Variants in UTP4 observed in about 807,000 individuals in gnomAD.
UTP4 encodes U3 small nucleolar RNA-associated protein 4 homolog.
Under a neutral mutation model 82.4 loss-of-function variants are expected in UTP4, and 45 were observed. The observed-to-expected ratio is 0.55, with a 90% CI of 0.43 to 0.70. The LOEUF is 0.70. Among genes scored for constraint, UTP4 ranks in the 30% least tolerant of loss-of-function variants. The pLI is 0.00. For synonymous variants in UTP4, 348 were observed against 300.3 expected (o/e 1.16, Z -1.64); for missense variants, 819 against 858.3 (o/e 0.95, Z 0.57).
intron 10 of UTP4, among the ~76,000 whole-genome samples, chr16:69,154,678 T>C (rs183031498): frequency 6.6e-6 from 1 of 151,936 alleles, no homozygotes; most frequent in Admixed American, 6.6e-5. Flanking sequence ...TTCTCTTCTT[T>C]TGATATTATT....
chr16:69,161,835 T>G (rs550958748), intron 13 of UTP4, among the ~76,000 whole-genome samples: 1 of 152,248 alleles, frequency 6.6e-6, no homozygotes, highest in Non-Finnish European at 1.5e-5. Context: ...AGCTAATCTT[T>G]TTTTTTAGTA....
chr16:69,141,396 C>T (rs543078470), intron 5 of UTP4, among the ~76,000 whole-genome samples: 1 of 152,312 alleles, frequency 6.6e-6, no homozygotes, highest in East Asian at 1.9e-4. Context: ...AATTCTGAAG[C>T]CCTGGCTCCG....
In UTP4 at chr16:69,165,500, A is replaced by C. The variant is rs1487839079; in HGVS notation, c.1807A>C (p.Met603Leu). The change falls in exon 15 of 17, where the codon ATG (methionine) becomes CTG (leucine). Residue 603 changes from methionine (M) to leucine (L), a missense_variant. Transcript: ENST00000314423. The part of the protein sequence containing the change: ...PMHILLHDAY[M>L]FCIIDKSLPL... Reference sequence around the variant, plus strand: ...GCACATCCTTCTCCATGATGCCTACATGTTCTGCATCATTGACAAGTCATT... The same window carrying C: ...GCACATCCTTCTCCATGATGCCTACCTGTTCTGCATCATTGACAAGTCATT... 1.2e-6 allele frequency: 2 copies of C among 1,614,012 alleles called. No homozygotes were observed. The highest frequency in any genetic ancestry group is 2.2e-5 in the South Asian group (2 of 91,080).
intron 6 of UTP4, among the ~76,000 whole-genome samples, chr16:69,147,581 C>T (rs940596023): frequency 1.3e-5 from 2 of 152,232 alleles, no homozygotes; most frequent in Admixed American, 6.5e-5. Flanking sequence ...TGTCTCTGAT[C>T]TGGTTGTGCT....
chr16:69,157,376 T>G, intron 12 of UTP4, 136 bp downstream of exon 12: 2 of 876,166 alleles, frequency 2.3e-6, no homozygotes, highest in South Asian at 2.9e-5. Flanking sequence ...GTTTGCTGTT[T>G]CAAGTAGGAG....
chr16:69,153,535 A>G (rs1246872822), intron 8 of UTP4, 49 bp from the exon 9 acceptor site: 1 of 1,309,714 alleles, frequency 7.6e-7, no homozygotes, highest in Non-Finnish European at 1.1e-6. Context: ...GTACTAAGGC[A>G]GTAGATGACC....
intron 6 of UTP4, among the ~76,000 whole-genome samples, chr16:69,148,089 G>C (rs550920602): frequency 1.3e-5 from 2 of 152,190 alleles, no homozygotes; most frequent in Admixed American, 1.3e-4. Context: ...CCAAGTAGCT[G>C]GGACTACAGG....
chr16:69,157,311 C>G, intron 12 of UTP4, 71 bp downstream of exon 12: 1 of 1,501,498 alleles, frequency 6.7e-7, no homozygotes. Context: ...TTTTAAGCCT[C>G]CATGTCGGGG....
At position 69,132,978 on chromosome 16, in the gene UTP4, A is replaced by G. The variant is rs190582930; in HGVS notation, c.-3+289A>G. 44 of 244,034 alleles carry G rather than the reference A, an allele frequency of 1.8e-4. No homozygotes were observed. In the East Asian group the frequency reaches 3.1e-3, roughly 17 times the overall value. The allele number at this position is 244,034 out of a possible 1,614,324, so 15.1% of individuals were successfully genotyped here. ...GACCTGGTCTCTACTCTCGGCCAGTATATATGTTGGCGGGCGTCGGGGGGA... is the reference window on the plus strand; with the variant it reads ...GACCTGGTCTCTACTCTCGGCCAGTGTATATGTTGGCGGGCGTCGGGGGGA... On this transcript the variant is annotated intron_variant, in intron 1 of 16. Coordinates refer to ENST00000314423, the MANE Select transcript of UTP4 (RefSeq NM_032830.3).
Position 69,144,499 on chromosome 16 carries a change from A to G in UTP4, c.738+1110A>G, listed in dbSNP as rs548755896. On this transcript the variant is annotated intron_variant, in intron 6 of 16. Coordinates refer to ENST00000314423, the MANE Select transcript of UTP4 (RefSeq NM_032830.3). ...CACCACACCCAGCCTATTATTTTCT[A>G]TGACGTAAATATTGTAGAGGAATGG... Among the ~76,000 whole-genome samples, 12 of 152,260 alleles carry G rather than the reference A, an allele frequency of 7.9e-5. 1 individual carries two copies. In the South Asian group the frequency reaches 8.3e-4, roughly 11 times the overall value.
chr16:69,153,509 G>T, intron 8 of UTP4, 75 bp from the exon 9 acceptor site: 1 of 980,478 alleles, frequency 1.0e-6, no homozygotes, highest in Non-Finnish European at 1.6e-6. Flanking sequence ...GTGCTAAGGT[G>T]GTGCTACTGT....
At chr16:69,154,704 TTTTATTTATTTA>T (rs34852514) in intron 10 of UTP4, among the ~76,000 whole-genome samples, 41 of 147,102 alleles carry the variant, frequency 2.8e-4, no homozygotes, top group South Asian at 1.7e-3. Flanking sequence ...AATAATGTGC[TTTTATTTATTTA>T]TTTATTTATT....
At chr16:69,166,988 T>C in intron 15 of UTP4, 87 bp from the exon 16 acceptor site, 1 of 868,238 alleles carries the variant, frequency 1.2e-6, no homozygotes, top group Non-Finnish European at 2.0e-6. Context: ...TAGAAGATGA[T>C]GTTGGGCTCA....
chr16:69,147,440 GGTTGCA>G (rs1381989209), intron 6 of UTP4, among the ~76,000 whole-genome samples: 1 of 151,390 alleles, frequency 6.6e-6, no homozygotes, highest in East Asian at 2.0e-4. Context: ...GGGAGGCGGA[GGTTGCA>G]GTGATCTGAG....
chr16:69,150,575 A>T lies in UTP4; in HGVS notation c.777A>T (p.Thr259=). ...DSFVVGTAEG[T]VFHFQLVPVT... The stretch of plus-strand genomic sequence containing the variant: ...TCGTGGTGGGCACAGCCGAGGGAAC[A>T]GTCTTCCATTTTCAGCTGGTCCCTG... The change falls in exon 7 of 17, where the codon ACA becomes ACT. Residue 259 remains threonine (T), a synonymous_variant. Transcript: ENST00000314423. 1 of 1,614,244 alleles carries T rather than the reference A, an allele frequency of 6.2e-7. No individual in the cohort carries two copies. Among genetic ancestry groups the T allele is most frequent in the Non-Finnish European group, 8.5e-7 (1 of 1,180,044 alleles).
intron 8 of UTP4, 71 bp downstream of exon 8, chr16:69,150,975 C>A: frequency 8.4e-7 from 1 of 1,195,232 alleles, no homozygotes; most frequent in Non-Finnish European, 1.2e-6. Context: ...CCCACAAGCT[C>A]TGAACACAGC....
intron 10 of UTP4, among the ~76,000 whole-genome samples, chr16:69,155,549 C>T (rs911991548): frequency 6.6e-6 from 1 of 152,162 alleles, no homozygotes; most frequent in African/African-American, 2.4e-5. Context: ...CTTCAAACCA[C>T]CTATCCTCCA....
chr16:69,142,746 G>C (rs1246397799), intron 5 of UTP4, among the ~76,000 whole-genome samples: 5 of 152,182 alleles, frequency 3.3e-5, no homozygotes, highest in Non-Finnish European at 7.4e-5. Context: ...TTTTGGAAAA[G>C]AGCAGAGTGT....
intron 12 of UTP4, 113 bp from the exon 13 acceptor site, chr16:69,160,243 C>G (rs1363971632): frequency 2.4e-6 from 2 of 827,288 alleles, no homozygotes; most frequent in East Asian, 4.8e-5. Context: ...GCAAATTATC[C>G]TGGCAGTGAT....
Sources: allele counts gnomAD v4.1 joint callset (sites outside exome capture counted in the v4.1 genomes callset), GRCh38; gene constraint gnomAD v4.1.1; transcripts MANE v1.5; gene names NCBI Gene and HGNC (gene_info 2026-07-23, HGNC 2026-07-21).